The following PIP5K1C variants were observed in gnomAD, a reference collection of about 807,000 sequenced individuals.
PIP5K1C encodes the protein phosphatidylinositol 4-phosphate 5-kinase type-1 gamma.
In PIP5K1C, 45 loss-of-function variants were observed where a neutral mutation model predicts 80.1. The ratio of observed to expected loss-of-function variants is 0.56; its 90% CI spans 0.44 to 0.72. The LOEUF (loss-of-function observed/expected upper bound fraction) is 0.72, where lower values mean the gene tolerates loss of function less well. PIP5K1C is among the 30% of genes least tolerant of loss of function. The probability of loss-of-function intolerance (pLI) is 0.00; values close to 1 mark genes in which losing one functional copy is unlikely to be tolerated. For synonymous variants in PIP5K1C, 498 were observed against 420.1 expected, an observed-to-expected ratio of 1.19 and a Z score of -2.27; for missense variants, 753 against 954.6, an observed-to-expected ratio of 0.79 and a Z score of 2.78.
intron 12 of PIP5K1C, 58 bp downstream of exon 12, chr19:3,644,029 G>A (rs2034098939): frequency 4.4e-6 from 7 of 1,588,300 alleles, no homozygotes; most frequent in Non-Finnish European, 5.2e-6. Context: ...CCACCCACGG[G>A]GCTGCTGCTG....
In PIP5K1C at chr19:3,639,004, G is replaced by A. The variant is rs140344117; in HGVS notation, c.1800C>T (p.Ser600=). 1 of 1,611,080 alleles carries A rather than the reference G, an allele frequency of 6.2e-7. No individual in the cohort carries two copies. Among genetic ancestry groups the A allele is most frequent in the Non-Finnish European group, 8.5e-7 (1 of 1,179,942 alleles). ...CAACAGCAGCAGAGGCACCGGCCGG[G>A]GAAGCCTCCACCCTGGGGACAGGAG... is the stretch of plus-strand genomic sequence containing the variant. ...PKEEDAGVEA[S]PAGASAAVEV... is the part of the protein sequence containing the mutation. Residue 600 remains serine, a synonymous_variant, in exon 16 of 18, where the codon TCC becomes TCT. Coordinates refer to ENST00000335312, the MANE Select transcript of PIP5K1C (RefSeq NM_012398.3).
At chr19:3,642,704 C>T (rs1290057860) in intron 14 of PIP5K1C, among the ~76,000 whole-genome samples, 3 of 152,124 alleles carry the variant, frequency 2.0e-5, no homozygotes, top group African/African-American at 7.2e-5. Flanking sequence ...GATCCACAGA[C>T]CAGAGCTGCC....
intron 15 of PIP5K1C, among the ~76,000 whole-genome samples, chr19:3,641,234 T>G (rs1240638474): frequency 2.0e-5 from 3 of 151,810 alleles, no homozygotes; most frequent in Non-Finnish European, 2.9e-5. Flanking sequence ...ATTTAAAAAA[T>G]TAAAAATAAA....
chr19:3,663,241 C>T lies in PIP5K1C; in HGVS notation c.220-1240G>A, dbSNP rs368919100. The stretch of plus-strand genomic sequence containing the variant: ...GCTCTCGCGCCATGTTCACTTTAGC[C>T]CTGGGAAGCCGGCTCATACCTCCGC... On this transcript the variant is annotated intron_variant, in intron 3 of 17. Transcript: ENST00000335312. 1.4e-4 allele frequency among the ~76,000 whole-genome samples: 21 copies of T among 152,324 alleles called. No homozygotes were observed. In the South Asian group the frequency reaches 3.7e-3, roughly 27 times the overall value.
At chr19:3,675,727 A>G (rs16991994) in intron 1 of PIP5K1C, among the ~76,000 whole-genome samples, 31,709 of 151,898 alleles carry the variant, frequency 0.21, 3,669 homozygotes, top group African/African-American at 0.3. Flanking sequence ...GCAAACCAGG[A>G]TCTCCCCCCT....
intron 6 of PIP5K1C, among the ~76,000 whole-genome samples, chr19:3,654,032 C>T (rs12463022): frequency 0.12 from 18,304 of 152,246 alleles, 1,488 homozygotes; most frequent in Admixed American, 0.26. Flanking sequence ...GACAGGGTCT[C>T]GCTCTGTCGC....
chr19:3,638,949 C>T lies in PIP5K1C; in HGVS notation c.1855G>A (p.Glu619Lys), dbSNP rs765809553. The change falls in exon 16 of 18, where the codon GAG becomes AAG. Residue 619 changes from glutamate to lysine, a missense_variant. Physicochemically the swap from Glu to Lys is moderately conservative, Grantham distance 56 (BLOSUM62 1). This residue lies in a region of PIP5K1C where 315 missense variants were observed against 294.5 expected (regional missense o/e 1.07). Transcript: ENST00000335312. ...GCCTGGCTGGCAGGTGCGCCCTCCT[C>T]GTCTGAGGCCTGGCTGGCAGTTTCT... ...EVETASQASD[E>K]EGAPASQASD... The T allele has an allele frequency of 2.5e-6, 4 of 1,612,396 alleles. No individual in the cohort carries two copies. Among genetic ancestry groups the T allele is most frequent in the Non-Finnish European group, 2.5e-6 (3 of 1,179,914 alleles).
Position 3,644,170 on chromosome 19 carries a change from G to A in PIP5K1C, c.1427C>T (p.Ser476Leu), listed in dbSNP as rs375431850. 41 of 1,612,286 alleles carry A rather than the reference G, an allele frequency of 2.5e-5. No individual in the cohort carries two copies. The highest frequency in any genetic ancestry group is 8.0e-5 in the African/African-American group (6 of 75,048). The change falls in exon 12 of 18, where the codon TCG (serine) becomes TTG (leucine). Residue 476 changes from serine to leucine, a missense_variant. Ser to Leu is a moderately radical substitution (Grantham distance 145). Transcript: ENST00000335312. ...VKPLGPTAAF[S>L]ASQIPSEREE... ...CCGCTCGCTAGGGATCTGGCTGGCC[G>A]AGAAGGCAGCGGTGGGCCCCAGCGG...
chr19:3,659,064 C>T (rs1214938840), intron 5 of PIP5K1C, among the ~76,000 whole-genome samples: 1 of 152,144 alleles, frequency 6.6e-6, no homozygotes, highest in African/African-American at 2.4e-5. Flanking sequence ...GTGGGCCTTC[C>T]TGGAGCTACC....
At chr19:3,652,283 G>GAGAC (rs1430447693) in intron 7 of PIP5K1C, among the ~76,000 whole-genome samples, 2 of 152,244 alleles carry the variant, frequency 1.3e-5, no homozygotes, top group Non-Finnish European at 2.9e-5. Context: ...CCCGGGCACT[G>GAGAC]AGACAGGGAC....
At chr19:3,636,502 G>A (rs966594073) in intron 16 of PIP5K1C, 35 of 985,434 alleles carry the variant, frequency 3.6e-5, no homozygotes, top group South Asian at 4.7e-5. Context: ...CGGCCTCTGC[G>A]AACTGCTCCC....
chr19:3,634,411 A>T lies in PIP5K1C; in HGVS notation c.1921-891T>A, dbSNP rs569665183. ...TCCTCTCTCTCGGGCCTCTGTCACC[A>T]ACCCAGCCTTCAACGCCCCTCCCGG... is the stretch of plus-strand genomic sequence containing the variant. On this transcript the variant is annotated intron_variant, in intron 16 of 17. Transcript: ENST00000335312. Among the ~76,000 whole-genome samples, 145 of 150,276 alleles carry T rather than the reference A, an allele frequency of 9.6e-4. 3 individuals are homozygous for T. The South Asian group carries it at 0.03, about 31-fold the overall frequency.
intron 1 of PIP5K1C, among the ~76,000 whole-genome samples, chr19:3,689,278 C>A (rs979523439): frequency 1.3e-5 from 2 of 152,180 alleles, no homozygotes; most frequent in African/African-American, 4.8e-5. Context: ...CAGAGGCTCA[C>A]AGGAACCCGA....
At chr19:3,662,660 G>T (rs1214169274) in intron 3 of PIP5K1C, among the ~76,000 whole-genome samples, 1 of 152,112 alleles carries the variant, frequency 6.6e-6, no homozygotes, top group Non-Finnish European at 1.5e-5. Context: ...CCACCTCCCA[G>T]GTTCAAGTGA....
At chr19:3,674,407 G>C (rs1004723021) in intron 1 of PIP5K1C, 3 of 152,258 alleles carry the variant, frequency 2.0e-5, no homozygotes, top group African/African-American at 7.2e-5. Context: ...CCTCCCCCGA[G>C]TAGCTGCAGA....
chr19:3,698,728 C>T (rs948547458), intron 1 of PIP5K1C, among the ~76,000 whole-genome samples: 1 of 152,128 alleles, frequency 6.6e-6, no homozygotes, highest in African/African-American at 2.4e-5. Flanking sequence ...CAAGCAGGCC[C>T]CTTTATGTGC....
chr19:3,667,908 T>TG (rs1405538369), intron 1 of PIP5K1C, among the ~76,000 whole-genome samples: 19 of 152,092 alleles, frequency 1.2e-4, no homozygotes, highest in Non-Finnish European at 2.6e-4. Context: ...AGGCTGGAGT[T>TG]GCAGGGAGCG....
In PIP5K1C at chr19:3,653,502, C is replaced by T; in HGVS notation, c.709G>A (p.Val237Ile). Reference sequence around the variant, plus strand: ...ACGCGGGGCAGGATGTTGTTCATGACCACGACGCGGATGTTCTTGCCCCCC... The same window carrying T: ...ACGCGGGGCAGGATGTTGTTCATGATCACGACGCGGATGTTCTTGCCCCCC... ...QSGGKNIRVV[V>I]MNNILPRVVK... is the part of the protein sequence containing the mutation. Residue 237 changes from valine (V) to isoleucine (I), a missense_variant, in exon 7 of 18, where the codon GTC (valine) becomes ATC (isoleucine). By Grantham distance (29) the Val-to-Ile change is conservative. This residue lies in a region of PIP5K1C where 139 missense variants were observed against 289.7 expected (regional missense o/e 0.48). Coordinates refer to ENST00000335312, the MANE Select transcript of PIP5K1C (RefSeq NM_012398.3). 1.9e-6 allele frequency: 3 copies of T among 1,613,862 alleles called. No homozygotes were observed. Among genetic ancestry groups the T allele is most frequent in the Middle Eastern group, 3.3e-4 (2 of 6,062 alleles).
chr19:3,636,908 C>T, intron 16 of PIP5K1C: 1 of 1,004,148 alleles, frequency 1.0e-6, no homozygotes, highest in Non-Finnish European at 1.2e-6. Context: ...GAGGATCTCA[C>T]AGCTACGTGG....
Sources: gnomAD v4.1 joint callset for allele counts (sites outside exome capture counted in the v4.1 genomes callset) on GRCh38, gnomAD v4.1.1 for gene constraint, gnomAD v4.1.1 regional missense constraint, MANE v1.5 for transcripts, NCBI Gene and HGNC (gene_info 2026-07-23, HGNC 2026-07-21) for gene names.